HIVEP2: variants seen among roughly 807,000 people sequenced by gnomAD.
HIVEP2 encodes transcription factor HIVEP2.
Under a neutral mutation model 180.7 loss-of-function variants are expected in HIVEP2, and 14 were observed. The observed-to-expected ratio is 0.08, with a 90% confidence interval of 0.05 to 0.12. The LOEUF (loss-of-function observed/expected upper bound fraction) is 0.12. HIVEP2 is among the 10% of genes least tolerant of loss of function. The pLI is 1.00. For synonymous variants in HIVEP2, 1,184 were observed against 1,136.4 expected (o/e 1.04, Z -0.84); for missense variants, 2,579 against 3,008.5 (o/e 0.86, Z 3.34).
chr6:142,761,705 C>T (rs1192414577), intron 7 of HIVEP2, 140 bp from the exon 8 acceptor site: 6 of 650,990 alleles, frequency 9.2e-6, no homozygotes, highest in Non-Finnish European at 1.7e-5. Flanking sequence ...TACCCACTAC[C>T]CCTTGTTTCA....
intron 2 of HIVEP2, among the ~76,000 whole-genome samples, chr6:142,820,282 C>T (rs984076259): frequency 1.3e-4 from 16 of 120,474 alleles, no homozygotes; most frequent in African/African-American, 5.7e-4. Flanking sequence ...ACTACTTTAC[C>T]AGGCTCGCTC....
At position 142,774,191 on chromosome 6, in the gene HIVEP2, G is replaced by A; in HGVS notation, c.548C>T (p.Pro183Leu). 2 of 1,614,106 alleles carry A rather than the reference G, an allele frequency of 1.2e-6. No individual in the cohort carries two copies. The highest frequency in any genetic ancestry group is 1.7e-6 in the Non-Finnish European group (2 of 1,180,034). Residue 183 changes from proline (P) to leucine (L), a missense_variant, in exon 5 of 10, where the codon CCC (proline) becomes CTC (leucine). Coordinates refer to ENST00000367603, the MANE Select transcript of HIVEP2 (RefSeq NM_006734.4). The surrounding 1 kb of genome is among the most constrained non-coding windows in gnomAD (Gnocchi z 5.1). ...AEEAHKKEHK[P>L]KKPGKYICPY... is the part of the protein sequence containing the mutation. ...GCAAATGTACTTGCCAGGCTTTTTG[G>A]GTTTGTGCTCTTTCTTGTGAGCCTC...
chr6:142,770,655 G>A lies in HIVEP2; in HGVS notation c.4084C>T (p.Pro1362Ser). ...TCGACTTTGCATATGACAATGGCAGGGCTATTCTGCCCAAGTATCTGAGAA... is the reference window on the plus strand; with the variant it reads ...TCGACTTTGCATATGACAATGGCAGAGCTATTCTGCCCAAGTATCTGAGAA... ...SISQILGQNSPAIVICKVDEN... is the reference protein window; with the variant it reads ...SISQILGQNSSAIVICKVDEN... Residue 1362 changes from proline (P) to serine (S), a missense_variant, in exon 5 of 10, where the codon CCT becomes TCT. Pro to Ser is a moderately conservative substitution (Grantham distance 74). Transcript: ENST00000367603. The surrounding 1 kb of genome is among the most constrained non-coding windows in gnomAD (Gnocchi z 4.7). The A allele has an allele frequency of 6.2e-7, 1 of 1,614,168 alleles. No individual in the cohort carries two copies. Among genetic ancestry groups the A allele is most frequent in the Non-Finnish European group, 8.5e-7 (1 of 1,180,022 alleles).
chr6:142,884,516 A>C (rs1776650043), intron 1 of HIVEP2, among the ~76,000 whole-genome samples: 1 of 152,228 alleles, frequency 6.6e-6, no homozygotes, highest in Non-Finnish European at 1.5e-5. Flanking sequence ...AAACATCGAC[A>C]AACCAGTGTC....
chr6:142,794,846 A>G (rs527703948), intron 2 of HIVEP2, among the ~76,000 whole-genome samples: 24 of 152,242 alleles, frequency 1.6e-4, no homozygotes, highest in Non-Finnish European at 2.9e-4. Context: ...CCATTTGATC[A>G]GAAAGCATTA....
At chr6:142,874,816 G>A (rs150508667) in intron 1 of HIVEP2, among the ~76,000 whole-genome samples, 1 of 152,108 alleles carries the variant, frequency 6.6e-6, no homozygotes, top group Non-Finnish European at 1.5e-5. Context: ...GACACGATAA[G>A]AATTAAAACT....
chr6:142,881,558 C>G (rs1030304190), intron 1 of HIVEP2, among the ~76,000 whole-genome samples: 1 of 152,124 alleles, frequency 6.6e-6, no homozygotes, highest in African/African-American at 2.4e-5. Flanking sequence ...AGAAGAATGC[C>G]TTTAATAAAA....
intron 9 of HIVEP2, among the ~76,000 whole-genome samples, chr6:142,755,139 T>G (rs915993667): frequency 6.6e-6 from 1 of 152,202 alleles, no homozygotes; most frequent in Non-Finnish European, 1.5e-5. Context: ...CAGTTCTATC[T>G]AGATTATGAT....
intron 2 of HIVEP2, among the ~76,000 whole-genome samples, chr6:142,802,849 T>C (rs1776447157): frequency 6.6e-6 from 1 of 152,288 alleles, no homozygotes. Context: ...TTTACATTTT[T>C]ATACTAAGAG....
Position 142,811,515 on chromosome 6 carries a change from C to G in HIVEP2, c.-528+25420G>C, listed in dbSNP as rs539060924. ...CACGAGTGTTTCCCCTCCCCCTACA[C>G]ACAATGTAGCTGCTTTGAAGAATGT... is the stretch of plus-strand genomic sequence containing the variant. On this transcript the variant is annotated intron_variant, in intron 2 of 9. Coordinates refer to ENST00000367603, the MANE Select transcript of HIVEP2 (RefSeq NM_006734.4). 2.8e-4 allele frequency among the ~76,000 whole-genome samples: 43 copies of G among 152,294 alleles called. 1 individual carries two copies. In the South Asian group the frequency reaches 4.4e-3, roughly 15 times the overall value.
chr6:142,878,041 T>C (rs1776487110), intron 1 of HIVEP2, among the ~76,000 whole-genome samples: 1 of 152,182 alleles, frequency 6.6e-6, no homozygotes, highest in Admixed American at 6.5e-5. Flanking sequence ...CAATATATTA[T>C]TTAACTAATC....
intron 2 of HIVEP2, among the ~76,000 whole-genome samples, chr6:142,810,487 G>A (rs1776663596): frequency 6.6e-6 from 1 of 152,132 alleles, no homozygotes; most frequent in African/African-American, 2.4e-5. Context: ...ATTAGGCTAG[G>A]TTCAGTGGCT....
intron 2 of HIVEP2, among the ~76,000 whole-genome samples, chr6:142,799,770 G>A (rs1776362173): frequency 6.6e-6 from 1 of 152,106 alleles, no homozygotes; most frequent in Non-Finnish European, 1.5e-5. Context: ...AAACAGCAGG[G>A]GAGCCTCTGG....
chr6:142,774,303 G>A lies in HIVEP2; in HGVS notation c.436C>T (p.His146Tyr). The change falls in exon 5 of 10, where the codon CAC (histidine) becomes TAC (tyrosine). Residue 146 changes from histidine (H) to tyrosine (Y), a missense_variant. Transcript: ENST00000367603. This position sits in a 1 kb window ranked among gnomAD's most constrained non-coding sequence, Gnocchi z 5.1. ...TTTTTTCTAGGATAACCACCACTGT[G>A]GCCATGTATAGGAAAAGGAAATAAG... The part of the protein sequence containing the change: ...EDLFPFPIHG[H>Y]SGGYPRKKIS... 1.9e-6 allele frequency: 3 copies of A among 1,614,182 alleles called. No individual in the cohort carries two copies. The highest frequency in any genetic ancestry group is 1.3e-5 in the African/African-American group (1 of 75,030).
chr6:142,799,357 G>C (rs557572915), intron 2 of HIVEP2, among the ~76,000 whole-genome samples: 2 of 152,220 alleles, frequency 1.3e-5, no homozygotes, highest in African/African-American at 4.8e-5. Flanking sequence ...AGCCCGGGAG[G>C]AGACAGCGCT....
Position 142,774,392 on chromosome 6 carries a change from T to C in HIVEP2, c.347A>G (p.His116Arg). The change falls in exon 5 of 10, where the codon CAT (histidine) becomes CGT (arginine). Residue 116 changes from histidine to arginine, a missense_variant. By Grantham distance (29) the His-to-Arg change is conservative (BLOSUM62 0). Coordinates refer to ENST00000367603, the MANE Select transcript of HIVEP2 (RefSeq NM_006734.4). This position sits in a 1 kb window ranked among gnomAD's most constrained non-coding sequence, Gnocchi z 5.1. ...CCACGGAGGACCTTCGAGGCTCTGA[T>C]GTGGCTTGGTGCTGTGCATGACCCC... is the stretch of plus-strand genomic sequence containing the variant. ...PQGVMHSTKP[H>R]QSLEGPPWLF... 1 of 1,614,194 alleles carries C rather than the reference T, an allele frequency of 6.2e-7. No homozygotes were observed. The highest frequency in any genetic ancestry group is 8.5e-7 in the Non-Finnish European group (1 of 1,180,038).
chr6:142,858,387 A>G (rs949152845), intron 1 of HIVEP2, among the ~76,000 whole-genome samples: 2 of 151,922 alleles, frequency 1.3e-5, no homozygotes, highest in Non-Finnish European at 2.9e-5. Flanking sequence ...AGGATGATAA[A>G]TATCTGTCTC....
chr6:142,768,297 G>T, intron 6 of HIVEP2, 85 bp downstream of exon 6: 1 of 1,283,278 alleles, frequency 7.8e-7, no homozygotes, highest in Non-Finnish European at 1.1e-6. Context: ...AACCAGATTA[G>T]ACAGTACCTT....
chr6:142,936,913 T>G (rs555825821), intron 1 of HIVEP2, among the ~76,000 whole-genome samples: 8 of 152,092 alleles, frequency 5.3e-5, no homozygotes, highest in African/African-American at 1.9e-4. Flanking sequence ...GCTTAATAAA[T>G]CTCTGTTGAA....
Sources: gnomAD v4.1 joint callset for allele counts (sites outside exome capture counted in the v4.1 genomes callset) on GRCh38, gnomAD v4.1.1 for gene constraint, Gnocchi (gnomAD v3.1) non-coding constraint, MANE v1.5 for transcripts, NCBI Gene and HGNC (gene_info 2026-07-23, HGNC 2026-07-21) for gene names.